Variants in IFT80 observed in about 807,000 individuals in gnomAD.
IFT80 encodes intraflagellar transport protein 80 homolog.
Under a neutral mutation model 107.9 loss-of-function variants are expected in IFT80, and 79 were observed. The ratio of observed to expected loss-of-function variants is 0.73; its 90% CI spans 0.61 to 0.88. IFT80 has a LOEUF of 0.88. IFT80 is among the 40% of genes least tolerant of loss of function. The pLI is 0.00. For missense variants in IFT80, 797 were observed against 914.2 expected (o/e 0.87, Z 1.65); for synonymous variants, 299 against 300.9 (o/e 0.99, Z 0.07).
intron 8 of IFT80, among the ~76,000 whole-genome samples, chr3:160,336,913 A>T (rs1288693345): frequency 6.6e-6 from 1 of 152,172 alleles, no homozygotes; most frequent in Non-Finnish European, 1.5e-5. Flanking sequence ...TTTTTAGGGC[A>T]ATTTTCTATT....
chr3:160,315,333 T>C (rs2108291933), intron 9 of IFT80, among the ~76,000 whole-genome samples: 1 of 152,278 alleles, frequency 6.6e-6, no homozygotes, highest in East Asian at 1.9e-4. Flanking sequence ...CTTTCTCCCA[T>C]ACCTGTGAAG....
intron 1 of IFT80, 55 bp from the exon 2 acceptor site, chr3:160,384,701 T>C (rs965905615): frequency 2.2e-6 from 3 of 1,370,612 alleles, no homozygotes; most frequent in Non-Finnish European, 3.1e-6. Flanking sequence ...CAAATGTACG[T>C]ATACAAACAC....
rs539521450 is a variant in IFT80 at position 160,263,801 on chromosome 3, C to T, written c.2223+4612G>A. On this transcript the variant is annotated intron_variant, in intron 19 of 19. Transcript: ENST00000326448. ...AAGCAATTCTCCTGCCTCAGCCTCC[C>T]GAGTAGCTGGGACTACAGGTGCATG... Among the ~76,000 whole-genome samples, 27 of 151,762 alleles carry T rather than the reference C, an allele frequency of 1.8e-4. 1 individual carries two copies. The highest frequency in any genetic ancestry group is 5.8e-4 in the African/African-American group (24 of 41,382).
chr3:160,379,634 A>C (rs1469780200), intron 3 of IFT80, among the ~76,000 whole-genome samples: 1 of 152,208 alleles, frequency 6.6e-6, no homozygotes, highest in Non-Finnish European at 1.5e-5. Context: ...AAAATGTTAA[A>C]CTAGTGAATC....
Position 160,381,616 on chromosome 3 carries a change from T to C in IFT80, c.146A>G (p.Gln49Arg), listed in dbSNP as rs1712526126. ...KWNLLTSETT[Q>R]IVKLPDDIYP... The stretch of plus-strand genomic sequence containing the variant: ...AATATCATCAGGAAGCTTTACTATT[T>C]GAGTTGTTTCACTGGTTAACAAGTT... The change falls in exon 3 of 20, where the codon CAA becomes CGA. Residue 49 changes from glutamine (Q) to arginine (R), a missense_variant. Coordinates refer to ENST00000326448, the MANE Select transcript of IFT80 (RefSeq NM_020800.3). 1.2e-6 allele frequency: 2 copies of C among 1,613,222 alleles called. No individual in the cohort carries two copies. Among genetic ancestry groups the C allele is most frequent in the African/African-American group, 2.7e-5 (2 of 75,010 alleles).
chr3:160,339,646 T>G (rs187971966), intron 8 of IFT80, among the ~76,000 whole-genome samples: 4 of 152,304 alleles, frequency 2.6e-5, no homozygotes. Flanking sequence ...ATTTTTGGCT[T>G]CGTTTGATAC....
chr3:160,374,762 G>A (rs1235431891), intron 5 of IFT80, among the ~76,000 whole-genome samples: 1 of 152,168 alleles, frequency 6.6e-6, no homozygotes, highest in Non-Finnish European at 1.5e-5. Context: ...ATTAAAGTAA[G>A]ATTTATGTTC....
At chr3:160,372,211 T>C (rs1382033902) in intron 5 of IFT80, among the ~76,000 whole-genome samples, 1 of 152,228 alleles carries the variant, frequency 6.6e-6, no homozygotes, top group Non-Finnish European at 1.5e-5. Context: ...TCCAACACTT[T>C]ACAGATTTCC....
At chr3:160,324,075 C>A (rs1170476901) in intron 8 of IFT80, among the ~76,000 whole-genome samples, 1 of 152,042 alleles carries the variant, frequency 6.6e-6, no homozygotes, top group African/African-American at 2.4e-5. Flanking sequence ...CAAGACTAAA[C>A]CAGGAAGAAG....
In IFT80 at chr3:160,300,939, T is replaced by G; in HGVS notation, c.1259A>C (p.Gln420Pro). ...GGTATCATTACTCAAAGACACAGTC[T>G]GTGCATTCAGAATATCTGTTCTCAT... ...PGMRTDILNA[Q>P]TVSLSNDTIA... The change falls in exon 12 of 20, where the codon CAG (glutamine) becomes CCG (proline). Residue 420 changes from glutamine to proline, a missense_variant. Physicochemically the swap from Gln to Pro is moderately conservative, Grantham distance 76. Coordinates refer to ENST00000326448, the MANE Select transcript of IFT80 (RefSeq NM_020800.3). 1 of 1,611,392 alleles carries G rather than the reference T, an allele frequency of 6.2e-7. No homozygotes were observed. The highest frequency in any genetic ancestry group is 8.5e-7 in the Non-Finnish European group (1 of 1,178,638).
intron 1 of IFT80, among the ~76,000 whole-genome samples, chr3:160,398,629 C>T (rs1273848312): frequency 6.6e-6 from 1 of 152,104 alleles, no homozygotes; most frequent in African/African-American, 2.4e-5. Flanking sequence ...AATCACCTAC[C>T]ACCAGATCCA....
In IFT80 at chr3:160,258,261, C is replaced by A. The variant is rs1173759935; in HGVS notation, c.*264G>T. On this transcript the variant is annotated 3_prime_UTR_variant, in exon 20 of 20. Coordinates refer to ENST00000326448, the MANE Select transcript of IFT80 (RefSeq NM_020800.3). ...TAGGGATGAAGTAATGGGCAAAAAA[C>A]TGACATATAATCGACACTACACAGG... 6.8e-6 allele frequency: 3 copies of A among 441,588 alleles called. No homozygotes were observed. The highest frequency in any genetic ancestry group is 1.2e-5 in the Non-Finnish European group (3 of 248,254). 27.4% of individuals were successfully genotyped at this position (441,588 alleles called of 1,614,324 possible). A position where few individuals can be genotyped will look rare whatever the true frequency, so the allele number is the denominator to read the frequency against.
intron 9 of IFT80, among the ~76,000 whole-genome samples, chr3:160,311,671 A>G (rs1216334251): frequency 6.6e-6 from 1 of 152,178 alleles, no homozygotes; most frequent in Non-Finnish European, 1.5e-5. Flanking sequence ...CAGCAGGAGT[A>G]AGGAAGACAT....
chr3:160,321,511 C>T (rs577589488), intron 8 of IFT80, among the ~76,000 whole-genome samples: 8 of 151,828 alleles, frequency 5.3e-5, no homozygotes, highest in Non-Finnish European at 1.0e-4. Context: ...GGGATAAGTC[C>T]CAGGATCCCC....
chr3:160,289,746 T>C (rs11709336), intron 12 of IFT80, among the ~76,000 whole-genome samples: 31,979 of 152,092 alleles, frequency 0.21, 3,696 homozygotes, highest in Non-Finnish European at 0.26. Flanking sequence ...GGAGCAATGG[T>C]CTACCAATTT....
At chr3:160,312,102 A>G (rs1717310024) in intron 9 of IFT80, among the ~76,000 whole-genome samples, 1 of 152,160 alleles carries the variant, frequency 6.6e-6, no homozygotes, top group Non-Finnish European at 1.5e-5. Context: ...GTTGTTAATT[A>G]GAACAAGAAT....
At chr3:160,331,867 G>T (rs577194080) in intron 8 of IFT80, among the ~76,000 whole-genome samples, 1 of 152,044 alleles carries the variant, frequency 6.6e-6, no homozygotes, top group Admixed American at 6.6e-5. Context: ...ATGTTGCCCA[G>T]GCTGCTCTTG....
chr3:160,329,881 A>G (rs1029353413), intron 8 of IFT80, among the ~76,000 whole-genome samples: 13 of 152,092 alleles, frequency 8.5e-5, no homozygotes, highest in Non-Finnish European at 1.3e-4. Flanking sequence ...TGAACCTAAG[A>G]TGGGAAGAAG....
chr3:160,322,873 T>G lies in IFT80; in HGVS notation c.778-2934A>C, dbSNP rs1718360058. Among the ~76,000 whole-genome samples the G allele has an allele frequency of 2.6e-5, 4 of 152,312 alleles. No homozygotes were observed. The South Asian group carries it at 8.3e-4, about 32-fold the overall frequency. The stretch of plus-strand genomic sequence containing the variant: ...CTGTTCATATCCTTTCCCCACTTTT[T>G]GATGGGGTTGTTTGTTTTTTTCTTG... On this transcript the variant is annotated intron_variant, in intron 8 of 19. Transcript: ENST00000326448.
Sources: gnomAD v4.1 joint callset for allele counts (sites outside exome capture counted in the v4.1 genomes callset) on GRCh38, gnomAD v4.1.1 for gene constraint, MANE v1.5 for transcripts, NCBI Gene and HGNC (gene_info 2026-07-23, HGNC 2026-07-21) for gene names.